Variants in KCNIP4 observed in about 807,000 individuals in gnomAD.
KCNIP4 encodes Kv channel-interacting protein 4.
KCNIP4 carries 12 observed loss-of-function variants against 34.0 expected under a neutral mutation model. The observed-to-expected ratio is 0.35, with a 90% CI of 0.23 to 0.57. KCNIP4 has a LOEUF of 0.57. KCNIP4 is among the 20% of genes least tolerant of loss of function. The probability of loss-of-function intolerance (pLI) is 0.83; values close to 1 mark genes in which losing one functional copy is unlikely to be tolerated. For missense variants in KCNIP4, 238 were observed against 311.7 expected (o/e 0.76, Z 1.78); for synonymous variants, 124 against 102.2 (o/e 1.21, Z -1.29).
At chr4:21,721,502 T>G (rs893515959) in intron 1 of KCNIP4, among the ~76,000 whole-genome samples, 1 of 152,206 alleles carries the variant, frequency 6.6e-6, no homozygotes, top group Non-Finnish European at 1.5e-5. Context: ...AAAGTTCGAC[T>G]TCAGCTATAA....
rs372154566 is a variant in KCNIP4 at position 21,350,738 on chromosome 4, C to G, written c.62-468029G>C. ...CTCAGGCAACACCACCCATCATCAA[C>G]TGAGTTAATGCCCATCCCTAAATGT... On this transcript the variant is annotated intron_variant, in intron 1 of 8. Transcript: ENST00000382152. 2.0e-5 allele frequency among the ~76,000 whole-genome samples: 3 copies of G among 152,162 alleles called. No individual in the cohort carries two copies. In the East Asian group the frequency reaches 5.8e-4, roughly 29 times the overall value.
At chr4:21,679,140 A>G (rs1750146179) in intron 1 of KCNIP4, among the ~76,000 whole-genome samples, 1 of 152,170 alleles carries the variant, frequency 6.6e-6, no homozygotes, top group Non-Finnish European at 1.5e-5. Flanking sequence ...GTGAGAAAAC[A>G]AATTTCTGTT....
intron 1 of KCNIP4, among the ~76,000 whole-genome samples, chr4:21,369,952 C>T (rs1720168702): frequency 6.8e-6 from 1 of 146,042 alleles, no homozygotes; most frequent in African/African-American, 2.8e-5. Flanking sequence ...CTCAGCCTCC[C>T]GAGTAGCTGG....
At chr4:21,531,181 C>T (rs1736639403) in intron 1 of KCNIP4, among the ~76,000 whole-genome samples, 1 of 152,178 alleles carries the variant, frequency 6.6e-6, no homozygotes, top group South Asian at 2.1e-4. Flanking sequence ...CAATTCTAGG[C>T]TTCCAAGTGA....
At chr4:21,357,104 G>T (rs922898334) in intron 1 of KCNIP4, among the ~76,000 whole-genome samples, 1 of 152,116 alleles carries the variant, frequency 6.6e-6, no homozygotes, top group Non-Finnish European at 1.5e-5. Context: ...GGGAAAACTG[G>T]CTAGCCACAT....
intron 1 of KCNIP4, among the ~76,000 whole-genome samples, chr4:21,158,680 T>C (rs1293920286): frequency 2.0e-5 from 3 of 152,168 alleles, no homozygotes; most frequent in Admixed American, 1.3e-4. Context: ...TTACAGCTAA[T>C]TTAATGGTTA....
At chr4:21,815,533 G>GA (rs1317493905) in intron 1 of KCNIP4, among the ~76,000 whole-genome samples, 10 of 148,836 alleles carry the variant, frequency 6.7e-5, no homozygotes, top group South Asian at 2.1e-4. Context: ...AAGATAAAAG[G>GA]AAAAAAAAAG....
intron 1 of KCNIP4, among the ~76,000 whole-genome samples, chr4:21,150,343 G>A (rs1355651325): frequency 6.9e-6 from 1 of 144,940 alleles, no homozygotes; most frequent in Non-Finnish European, 1.5e-5. Flanking sequence ...CTGAGAGGGA[G>A]GCAGGACTGA....
chr4:20,758,779 G>C (rs771528376), intron 4 of KCNIP4, 42 bp downstream of exon 4: 1 of 1,470,540 alleles, frequency 6.8e-7, no homozygotes, highest in Non-Finnish European at 9.5e-7. Context: ...AAGCATAATT[G>C]TAACTCTGAT....
Position 20,730,178 on chromosome 4 carries a change from A to G in KCNIP4, c.706-49T>C, listed in dbSNP as rs373590424. 13 of 1,566,254 alleles carry G rather than the reference A, an allele frequency of 8.3e-6. No homozygotes were observed. In the African/African-American group the frequency reaches 1.8e-4, roughly 21 times the overall value. On this transcript the variant is annotated intron_variant, in intron 8 of 8. Transcript: ENST00000382152. ...ATTAAATTCAGCATATCTGCAAGGA[A>G]AAGTACACTATTTTGCCCCTGAGTA...
intron 2 of KCNIP4, among the ~76,000 whole-genome samples, chr4:20,881,966 T>C (rs141376180): frequency 6.6e-6 from 1 of 152,146 alleles, no homozygotes; most frequent in Non-Finnish European, 1.5e-5. Context: ...CCAGTCCCCA[T>C]AATGGTGTGA....
chr4:21,080,767 T>C (rs1391344553), intron 1 of KCNIP4, among the ~76,000 whole-genome samples: 1 of 151,858 alleles, frequency 6.6e-6, no homozygotes, highest in African/African-American at 2.4e-5. Flanking sequence ...AGGCCAGTGT[T>C]TTGCATATCA....
intron 1 of KCNIP4, among the ~76,000 whole-genome samples, chr4:21,869,567 C>T (rs1200456625): frequency 2.0e-5 from 3 of 152,136 alleles, no homozygotes; most frequent in Non-Finnish European, 4.4e-5. Flanking sequence ...CTTTGTTGAA[C>T]AGCCAGGGTC....
intron 1 of KCNIP4, among the ~76,000 whole-genome samples, chr4:21,384,086 G>C (rs1186352579): frequency 6.6e-6 from 1 of 151,872 alleles, no homozygotes; most frequent in Non-Finnish European, 1.5e-5. Context: ...CCTCTATCCA[G>C]AATACACTTT....
intron 1 of KCNIP4, among the ~76,000 whole-genome samples, chr4:21,496,204 G>A (rs1159191808): frequency 2.0e-5 from 3 of 152,180 alleles, no homozygotes; most frequent in African/African-American, 4.8e-5. Context: ...AGGTGATTGA[G>A]AGTGAGACTA....
intron 1 of KCNIP4, among the ~76,000 whole-genome samples, chr4:21,666,883 C>T (rs1469803162): frequency 1.3e-5 from 2 of 152,156 alleles, no homozygotes; most frequent in African/African-American, 2.4e-5. Flanking sequence ...TACCTTTCTT[C>T]AACTTCAGAC....
intron 2 of KCNIP4, among the ~76,000 whole-genome samples, chr4:20,851,133 A>T (rs1010335438): frequency 5.3e-5 from 8 of 152,148 alleles, no homozygotes; most frequent in Admixed American, 2.0e-4. Flanking sequence ...TGCACAGATC[A>T]TCCCATCGCC....
At chr4:21,600,223 T>C (rs1185501246) in intron 1 of KCNIP4, among the ~76,000 whole-genome samples, 4 of 152,112 alleles carry the variant, frequency 2.6e-5, no homozygotes, top group African/African-American at 4.8e-5. Context: ...GTTCACTTAA[T>C]ATCAACTTGT....
intron 1 of KCNIP4, among the ~76,000 whole-genome samples, chr4:21,505,055 C>G (rs529444018): frequency 1.3e-5 from 2 of 152,156 alleles, no homozygotes; most frequent in Non-Finnish European, 2.9e-5. Flanking sequence ...ATTGATTTAA[C>G]TCTCGAGTGA....
Sources: gnomAD v4.1 joint callset for allele counts (sites outside exome capture counted in the v4.1 genomes callset) on GRCh38, gnomAD v4.1.1 for gene constraint, MANE v1.5 for transcripts, NCBI Gene and HGNC (gene_info 2026-07-23, HGNC 2026-07-21) for gene names.